The following SUMF1 variants were observed in gnomAD, a reference collection of about 807,000 sequenced individuals.
SUMF1 encodes sulfatase modifying factor 1.
Under a neutral mutation model 47.6 loss-of-function variants are expected in SUMF1, and 48 were observed. That is an observed-to-expected ratio of 1.01 (90% CI 0.80 to 1.28). The LOEUF is 1.28. Ranked by LOEUF, SUMF1 falls within the 50% of genes most tolerant of loss-of-function variation. SUMF1 has a pLI of 0.00. For synonymous variants in SUMF1, 230 were observed against 192.1 expected (o/e 1.20, Z -1.63); for missense variants, 571 against 485.4 (o/e 1.18, Z -1.66).
intron 8 of SUMF1, among the ~76,000 whole-genome samples, chr3:4,158,037 C>T (rs534725023): frequency 1.3e-5 from 2 of 151,644 alleles, no homozygotes; most frequent in African/African-American, 4.9e-5. Flanking sequence ...TGCTAGACAA[C>T]CCAAGATAAT....
chr3:4,398,330 A>G (rs1434452059), intron 7 of SUMF1, among the ~76,000 whole-genome samples: 1 of 152,156 alleles, frequency 6.6e-6, no homozygotes, highest in Non-Finnish European at 1.5e-5. Flanking sequence ...ACAGAAGTAT[A>G]CCCTTACATA....
rs749445028 is a variant in SUMF1 at position 4,467,207 on chromosome 3, G to C, written c.39C>G (p.Cys13Trp). The change falls in exon 1 of 9, where the codon TGC (cysteine) becomes TGG (tryptophan). Residue 13 changes from cysteine to tryptophan, a missense_variant. Cys to Trp is a radical substitution (Grantham distance 215). Coordinates refer to ENST00000272902, the MANE Select transcript of SUMF1 (RefSeq NM_182760.4). ...GCAAGAGGACGAGACCCAGCTCAGG[G>C]CAACGTCCACACACCAGCCCTAGTG... ...APALGLVCGR[C>W]PELGLVLLLL... The C allele has an allele frequency of 6.2e-7, 1 of 1,611,682 alleles. No homozygotes were observed. The highest frequency in any genetic ancestry group is 1.1e-5 in the South Asian group (1 of 90,586).
At chr3:4,438,761 T>A (rs1335467124) in intron 3 of SUMF1, among the ~76,000 whole-genome samples, 1 of 151,990 alleles carries the variant, frequency 6.6e-6, no homozygotes, top group Admixed American at 6.5e-5. Context: ...AAGGGAAAAA[T>A]TAGTAAGGAT....
intron 8 of SUMF1, among the ~76,000 whole-genome samples, chr3:4,099,261 AATG>A (rs894862567): frequency 7.9e-5 from 12 of 152,058 alleles, no homozygotes; most frequent in African/African-American, 2.9e-4. Context: ...GTTGTGGTGG[AATG>A]ATGAAGTGAG....
At chr3:4,177,014 T>C (rs983042181) in intron 8 of SUMF1, among the ~76,000 whole-genome samples, 1 of 152,120 alleles carries the variant, frequency 6.6e-6, no homozygotes, top group Non-Finnish European at 1.5e-5. Flanking sequence ...ATGCACCCAA[T>C]ACAGGAGCAT....
intron 3 of SUMF1, among the ~76,000 whole-genome samples, chr3:4,422,517 T>C (rs1358884067): frequency 6.6e-6 from 1 of 152,122 alleles, no homozygotes; most frequent in African/African-American, 2.4e-5. Context: ...ACATGATTTG[T>C]TTGTCCATTC....
At chr3:4,454,951 AT>A (rs1367087868) in intron 1 of SUMF1, among the ~76,000 whole-genome samples, 1 of 152,240 alleles carries the variant, frequency 6.6e-6, no homozygotes, top group Non-Finnish European at 1.5e-5. Flanking sequence ...GCTAATGGGC[AT>A]AGAGTTTCTT....
chr3:4,464,159 G>A (rs897607959), intron 1 of SUMF1, among the ~76,000 whole-genome samples: 2 of 152,120 alleles, frequency 1.3e-5, no homozygotes, highest in African/African-American at 2.4e-5. Flanking sequence ...CACACACCAC[G>A]CATTTCCACA....
chr3:4,253,114 C>A (rs528051314), intron 8 of SUMF1, among the ~76,000 whole-genome samples: 1 of 152,306 alleles, frequency 6.6e-6, no homozygotes, highest in African/African-American at 2.4e-5. Flanking sequence ...AAAAAAGGCA[C>A]TGTGAAAAGG....
At chr3:4,293,453 C>T (rs1697780221) in intron 8 of SUMF1, among the ~76,000 whole-genome samples, 2 of 151,980 alleles carry the variant, frequency 1.3e-5, no homozygotes, top group Non-Finnish European at 2.9e-5. Context: ...TTTAAAAGCC[C>T]GAAAAGATAA....
At chr3:4,460,315 A>T (rs1610187) in intron 1 of SUMF1, among the ~76,000 whole-genome samples, 32,058 of 152,142 alleles carry the variant, frequency 0.21, 4,077 homozygotes, top group Non-Finnish European at 0.3. Flanking sequence ...ATATGTTTTT[A>T]AATTTTTAAA....
rs765425324 is a variant in SUMF1 at position 4,467,000 on chromosome 3, T to G, written c.246A>C (p.Gly82=). Residue 82 remains glycine (G), a synonymous_variant, in exon 1 of 9, where the codon GGA becomes GGC. Transcript: ENST00000272902. The part of the protein sequence containing the change: ...REANAPGPVP[G]ERQLAHSKMV... Reference sequence around the variant, plus strand: ...CCTTTGAGTGCGCGAGTTGCCGCTCTCCGGGTACGGGGCCCGGAGCGTTAG... The same window carrying G: ...CCTTTGAGTGCGCGAGTTGCCGCTCGCCGGGTACGGGGCCCGGAGCGTTAG... 1 of 1,599,348 alleles carries G rather than the reference T, an allele frequency of 6.3e-7. No individual in the cohort carries two copies. Among genetic ancestry groups the G allele is most frequent in the Admixed American group, 1.7e-5 (1 of 57,942 alleles).
intron 8 of SUMF1, among the ~76,000 whole-genome samples, chr3:4,371,573 T>C (rs1332548273): frequency 6.6e-6 from 1 of 152,222 alleles, no homozygotes; most frequent in African/African-American, 2.4e-5. Context: ...CCACTAACAC[T>C]AGACCAACTC....
chr3:4,458,672 G>A (rs1002274733), intron 1 of SUMF1, among the ~76,000 whole-genome samples: 1 of 152,108 alleles, frequency 6.6e-6, no homozygotes, highest in African/African-American at 2.4e-5. Context: ...TGGCTAACAC[G>A]GTGAAATCCC....
At chr3:4,051,373 G>T (rs776041437) in intron 9 of SUMF1, among the ~76,000 whole-genome samples, 2 of 152,120 alleles carry the variant, frequency 1.3e-5, no homozygotes, top group African/African-American at 2.4e-5. Flanking sequence ...ACAGGACAAA[G>T]AGCCCCAAGA....
intron 8 of SUMF1, among the ~76,000 whole-genome samples, chr3:4,163,598 G>A (rs1268849883): frequency 6.6e-6 from 1 of 150,674 alleles, no homozygotes; most frequent in Non-Finnish European, 1.5e-5. Flanking sequence ...AGACATTTCT[G>A]TAAAGGAACA....
At chr3:4,042,362 C>T (rs1694922856) in intron 9 of SUMF1, among the ~76,000 whole-genome samples, 1 of 151,910 alleles carries the variant, frequency 6.6e-6, no homozygotes, top group Admixed American at 6.6e-5. Flanking sequence ...TAAAAAAACC[C>T]TGATAAATAG....
At chr3:4,316,589 AAATC>A (rs1254496863) in intron 8 of SUMF1, 1 of 1,551,442 alleles carries the variant, frequency 6.4e-7, no homozygotes, top group South Asian at 1.2e-5. Context: ...AGCTGACTGA[AAATC>A]AAAAAAATCG....
chr3:4,174,267 A>T (rs1574950444), intron 8 of SUMF1, among the ~76,000 whole-genome samples: 2 of 151,222 alleles, frequency 1.3e-5, no homozygotes, highest in Non-Finnish European at 2.9e-5. Flanking sequence ...GAGGCAGAAG[A>T]ATGGCATGAC....
Sources: gnomAD v4.1 joint callset for allele counts (sites outside exome capture counted in the v4.1 genomes callset) on GRCh38, gnomAD v4.1.1 for gene constraint, MANE v1.5 for transcripts, NCBI Gene and HGNC (gene_info 2026-07-23, HGNC 2026-07-21) for gene names.